The following BIRC3 variants were observed in gnomAD, a reference collection of about 807,000 sequenced individuals.
BIRC3 encodes baculoviral IAP repeat-containing protein 3.
In BIRC3, 26 loss-of-function variants were observed where a neutral mutation model predicts 59.0. The observed-to-expected ratio is 0.44, with a 90% CI of 0.32 to 0.61. BIRC3 has a LOEUF of 0.61. BIRC3 is among the 20% of genes least tolerant of loss of function. The pLI is 0.04. For missense variants in BIRC3, 641 were observed against 711.5 expected (o/e 0.90, Z 1.13); for synonymous variants, 243 against 249.2 (o/e 0.98, Z 0.24).
rs1383751307 is a variant in BIRC3, at chr11:102,335,995, A to T, written c.1354A>T (p.Met452Leu). Residue 452 changes from methionine to leucine, a missense_variant, in exon 7 of 9, where the codon ATG becomes TTG. Transcript: ENST00000263464. ...NDLLLIRKNRMALFQHLTCVI... is the reference protein window; with the variant it reads ...NDLLLIRKNRLALFQHLTCVI... ...TTTATTATTAATCCGGAAGAATAGA[A>T]TGGCACTTTTTCAACATTTGACTTG... The T allele has an allele frequency of 6.2e-7, 1 of 1,611,306 alleles. No individual in the cohort carries two copies. Among genetic ancestry groups the T allele is most frequent in the Non-Finnish European group, 8.5e-7 (1 of 1,178,882 alleles).
rs771233410 is a variant in BIRC3, at chr11:102,328,066, T to G, written c.968T>G (p.Ile323Arg). The G allele has an allele frequency of 6.2e-7, 1 of 1,607,732 alleles. No individual in the cohort carries two copies. Among genetic ancestry groups the G allele is most frequent in the East Asian group, 2.2e-5 (1 of 44,464 alleles). Residue 323 changes from isoleucine (I) to arginine (R), a missense_variant, in exon 4 of 9, where the codon ATA becomes AGA. Coordinates refer to ENST00000263464, the MANE Select transcript of BIRC3 (RefSeq NM_001165.5). ...TTACATTTTAGGTGTGAGTACTTGA[T>G]AAGAATTAAAGGACAGGAGTTCATC... is the stretch of plus-strand genomic sequence containing the variant. ...AKWFPRCEYL[I>R]RIKGQEFIRQ...
chr11:102,336,523 GATAGAGGCTCCC>G, intron 7 of BIRC3: 1 of 571,798 alleles, frequency 1.7e-6, no homozygotes, highest in Non-Finnish European at 3.0e-6. Context: ...AAGCCTGAGA[GATAGAGGCTCCC>G]ATGAGCTGTG....
Position 102,325,546 on chromosome 11 carries a change from C to T in BIRC3, c.934C>T (p.His312Tyr). ...ATCTGGAGATGATCCATGGGTTCAA[C>T]ATGCCAAGTGGTTTCCAAGGTAATT... is the stretch of plus-strand genomic sequence containing the variant. ...WESGDDPWVQ[H>Y]AKWFPRCEYL... The change falls in exon 3 of 9, where the codon CAT becomes TAT. Residue 312 changes from histidine to tyrosine, a missense_variant. By Grantham distance (83) the His-to-Tyr change is moderately conservative. Coordinates refer to ENST00000263464, the MANE Select transcript of BIRC3 (RefSeq NM_001165.5). 2 of 1,612,390 alleles carry T rather than the reference C, an allele frequency of 1.2e-6. No individual in the cohort carries two copies. The highest frequency in any genetic ancestry group is 2.2e-5 in the East Asian group (1 of 44,872).
chr11:102,336,064 A>C lies in BIRC3; in HGVS notation c.1423A>C (p.Asn475His). 6.2e-7 allele frequency: 1 copy of C among 1,613,938 alleles called. No individual in the cohort carries two copies. Among genetic ancestry groups the C allele is most frequent in the Non-Finnish European group, 8.5e-7 (1 of 1,179,934 alleles). Reference protein sequence around the residue: ...LDSLLTAGIINEQEHDVIKQK... With the variant: ...LDSLLTAGIIHEQEHDVIKQK... ...TAGTCTACTAACTGCCGGAATTATTAATGAACAAGAACATGATGTTATTAA... is the reference window on the plus strand; with the variant it reads ...TAGTCTACTAACTGCCGGAATTATTCATGAACAAGAACATGATGTTATTAA... Residue 475 changes from asparagine (N) to histidine (H), a missense_variant, in exon 7 of 9, where the codon AAT becomes CAT. By Grantham distance (68) the Asn-to-His change is moderately conservative. Transcript: ENST00000263464.
chr11:102,331,655 AT>A (rs1447653833), intron 6 of BIRC3, among the ~76,000 whole-genome samples: 1 of 151,016 alleles, frequency 6.6e-6, no homozygotes, highest in Non-Finnish European at 1.5e-5. Flanking sequence ...ACAATTATTA[AT>A]TTTTTTTTGA....
In BIRC3 at chr11:102,318,193, A is replaced by G. The variant is rs76909776; in HGVS notation, c.-2674+622A>G. Among the ~76,000 whole-genome samples, 224 of 152,316 alleles carry G rather than the reference A, an allele frequency of 1.5e-3. 1 individual carries two copies. The highest frequency in any genetic ancestry group is 4.6e-3 in the Admixed American group (70 of 15,290). On this transcript the variant is annotated intron_variant, in intron 1 of 8. Coordinates refer to ENST00000263464, the MANE Select transcript of BIRC3 (RefSeq NM_001165.5). Reference sequence around the variant, plus strand: ...CTAGGTTTGTCTCTGAAGACTTTACATGTATTTTTCACGTTTAATTATCAT... The same window carrying G: ...CTAGGTTTGTCTCTGAAGACTTTACGTGTATTTTTCACGTTTAATTATCAT...
rs1052696858 is a variant in BIRC3, at chr11:102,338,456, G to A, written c.*1354G>A. ...AGATTTACATCACCGGGGAGCCTTC[G>A]TAATGAAGATCCAAAATTACAGGGG... On this transcript the variant is annotated 3_prime_UTR_variant, in exon 9 of 9. Coordinates refer to ENST00000263464, the MANE Select transcript of BIRC3 (RefSeq NM_001165.5). 9 of 228,846 alleles carry A rather than the reference G, an allele frequency of 3.9e-5. No homozygotes were observed. The highest frequency in any genetic ancestry group is 6.1e-5 in the Non-Finnish European group (7 of 115,378). 14.2% of individuals were successfully genotyped at this position (228,846 alleles called of 1,614,324 possible). A position where few individuals can be genotyped will look rare whatever the true frequency, so the allele number is the denominator to read the frequency against.
chr11:102,317,636 C>G (rs1452823840), intron 1 of BIRC3, 65 bp downstream of exon 1: 1 of 153,270 alleles, frequency 6.5e-6, no homozygotes, highest in Non-Finnish European at 1.4e-5. Context: ...TGTGTGCGCG[C>G]GCGCGCGCCT....
intron 1 of BIRC3, among the ~76,000 whole-genome samples, chr11:102,319,526 C>A (rs1951010109): frequency 6.6e-6 from 1 of 152,174 alleles, no homozygotes; most frequent in Admixed American, 6.5e-5. Context: ...GGGGGCAAGT[C>A]TTTAACTGAG....
chr11:102,317,722 A>G (rs1950984584), intron 1 of BIRC3, among the ~76,000 whole-genome samples, 151 bp downstream of exon 1: 1 of 152,152 alleles, frequency 6.6e-6, no homozygotes, highest in Non-Finnish European at 1.5e-5. Flanking sequence ...GCAGAGGTTG[A>G]GAGTCAGTGG....
rs1951205846 is a variant in BIRC3 at position 102,337,208 on chromosome 11, A to G, written c.*106A>G. ...TCCTTAAAATTTTTATTTATTTACA[A>G]CTCAAAAAACATTGTTTTGTGTAAC... On this transcript the variant is annotated 3_prime_UTR_variant, in exon 9 of 9. Transcript: ENST00000263464. The G allele has an allele frequency of 2.5e-6, 2 of 795,846 alleles. No homozygotes were observed. The highest frequency in any genetic ancestry group is 3.9e-5 in the Admixed American group (1 of 25,438). The allele number at this position is 795,846 out of a possible 1,614,324, so 49.3% of individuals were successfully genotyped here. A position where few individuals can be genotyped will look rare whatever the true frequency, so the allele number is the denominator to read the frequency against.
chr11:102,324,621 A>T lies in BIRC3; in HGVS notation c.112A>T (p.Thr38Ser). Residue 38 changes from threonine to serine, a missense_variant, in exon 2 of 9, where the codon ACT (threonine) becomes TCT (serine). Around this residue, in one of 4 missense-constraint regions of BIRC3, gnomAD observed 329 missense variants for 365.6 expected, o/e 0.90. Coordinates refer to ENST00000263464, the MANE Select transcript of BIRC3 (RefSeq NM_001165.5). ...ACTGTACCGAATGTCTACGTATTCC[A>T]CTTTTCCTGCTGGGGTTCCTGTCTC... ...CELYRMSTYS[T>S]FPAGVPVSER... The T allele has an allele frequency of 6.2e-7, 1 of 1,614,164 alleles. No homozygotes were observed. Among genetic ancestry groups the T allele is most frequent in the Non-Finnish European group, 8.5e-7 (1 of 1,180,016 alleles).
chr11:102,330,845 T>A (rs1951130716), intron 5 of BIRC3, among the ~76,000 whole-genome samples, 154 bp from the exon 6 acceptor site: 1 of 152,228 alleles, frequency 6.6e-6, no homozygotes, highest in Non-Finnish European at 1.5e-5. Context: ...CATTTTAAAT[T>A]TAACAATGTT....
At chr11:102,329,678 AT>A (rs1951119311) in intron 5 of BIRC3, among the ~76,000 whole-genome samples, 1 of 152,198 alleles carries the variant, frequency 6.6e-6, no homozygotes, top group Non-Finnish European at 1.5e-5. Flanking sequence ...TGAGCAAACT[AT>A]CACAAGAACA....
chr11:102,336,300 A>T lies in BIRC3; in HGVS notation c.1579+80A>T, dbSNP rs533088472. The T allele has an allele frequency of 3.4e-5, 48 of 1,418,842 alleles. No individual in the cohort carries two copies. In the African/African-American group the frequency reaches 6.2e-4, roughly 18 times the overall value. 87.9% of individuals were successfully genotyped at this position (1,418,842 alleles called of 1,614,324 possible). A position where few individuals can be genotyped will look rare whatever the true frequency, so the allele number is the denominator to read the frequency against. On this transcript the variant is annotated intron_variant, in intron 7 of 8. Coordinates refer to ENST00000263464, the MANE Select transcript of BIRC3 (RefSeq NM_001165.5). ...CTTATTAATAATTTATGACTACTGA[A>T]AATAATTCAGGCTGAATGTGGTGAC... is the stretch of plus-strand genomic sequence containing the variant.
chr11:102,327,351 G>A (rs1027817335), intron 3 of BIRC3, among the ~76,000 whole-genome samples: 2 of 152,146 alleles, frequency 1.3e-5, no homozygotes. Flanking sequence ...TTCAAAATTA[G>A]CTGAAGTGGT....
chr11:102,322,915 G>A lies in BIRC3; in HGVS notation c.-1595G>A, dbSNP rs931650824. 9.7e-6 allele frequency: 2 copies of A among 206,194 alleles called. No homozygotes were observed. Among genetic ancestry groups the A allele is most frequent in the African/African-American group, 4.6e-5 (2 of 43,702 alleles). The allele number at this position is 206,194 out of a possible 1,614,324, so 12.8% of individuals were successfully genotyped here. ...TCTGAATTTTGACAAGGTCTCTGCT[G>A]TTGAAATGGTAAATTTATTATTTTT... On this transcript the variant is annotated 5_prime_UTR_variant, in exon 2 of 9. Coordinates refer to ENST00000263464, the MANE Select transcript of BIRC3 (RefSeq NM_001165.5).
rs1951038278 is a variant in BIRC3, at chr11:102,322,257, T to G, written c.-2253T>G. The G allele has an allele frequency of 4.8e-6, 1 of 207,092 alleles. No homozygotes were observed. The highest frequency in any genetic ancestry group is 1.9e-4 in the South Asian group (1 of 5,318). 12.8% of individuals were successfully genotyped at this position (207,092 alleles called of 1,614,324 possible). ...GTTATTTGGAACAAAGAGCTAATAA[T>G]CAATCCACTGCAAATTAAAGAAACA... On this transcript the variant is annotated 5_prime_UTR_variant, in exon 2 of 9. Coordinates refer to ENST00000263464, the MANE Select transcript of BIRC3 (RefSeq NM_001165.5).
intron 4 of BIRC3, among the ~76,000 whole-genome samples, chr11:102,328,528 G>A (rs1951106975): frequency 6.6e-6 from 1 of 150,734 alleles, no homozygotes; most frequent in South Asian, 2.1e-4. Flanking sequence ...CTAGCCATGA[G>A]CAATGAAACT....
Sources: gnomAD v4.1 joint callset for allele counts (sites outside exome capture counted in the v4.1 genomes callset) on GRCh38, gnomAD v4.1.1 for gene constraint, gnomAD v4.1.1 regional missense constraint, MANE v1.5 for transcripts, NCBI Gene and HGNC (gene_info 2026-07-23, HGNC 2026-07-21) for gene names.